DTD1: variants seen among roughly 807,000 people sequenced by gnomAD.
The protein encoded by DTD1 is D-tyrosyl-tRNA deacylase 1 homolog.
In DTD1, 13 loss-of-function variants were observed where a neutral mutation model predicts 25.6. The observed-to-expected ratio is 0.51, with a 90% CI of 0.33 to 0.81. DTD1 has a LOEUF of 0.81. Ranked by LOEUF, DTD1 falls within the 30% of genes least tolerant of loss-of-function variation. The pLI is 0.02. For synonymous variants in DTD1, 110 were observed against 103.6 expected, an observed-to-expected ratio of 1.06 and a Z score of -0.37; for missense variants, 193 against 266.4, an observed-to-expected ratio of 0.72 and a Z score of 1.92.
intron 4 of DTD1, among the ~76,000 whole-genome samples, chr20:18,669,629 T>G (rs2060944673): frequency 6.6e-6 from 1 of 152,156 alleles, no homozygotes; most frequent in South Asian, 2.1e-4. Context: ...GGGCCTGCCC[T>G]TAGTGCCTCA....
At chr20:18,687,798 C>A (rs79285339) in intron 4 of DTD1, among the ~76,000 whole-genome samples, 8 of 152,264 alleles carry the variant, frequency 5.3e-5, no homozygotes, top group Admixed American at 1.3e-4. Context: ...CTCACCTTAG[C>A]CTCCCACAAG....
intron 5 of DTD1, among the ~76,000 whole-genome samples, chr20:18,753,745 A>G (rs888027612): frequency 6.6e-5 from 10 of 152,034 alleles, no homozygotes; most frequent in African/African-American, 2.2e-4. Context: ...GGTAACATCA[A>G]TTTTTTCTCC....
chr20:18,764,712 A>G lies in DTD1; in HGVS notation c.*1372A>G, dbSNP rs949254225. On this transcript the variant is annotated 3_prime_UTR_variant, in exon 6 of 6. Transcript: ENST00000377452. ...TTCAGATGGTCCAGTGTAATTCACA[A>G]TGGTTTAAACCTCTAGATTTGAAGT... is the stretch of plus-strand genomic sequence containing the variant. 6.6e-6 allele frequency: 1 copy of G among 152,212 alleles called. No homozygotes were observed. The highest frequency in any genetic ancestry group is 2.4e-5 in the African/African-American group (1 of 41,452). The allele number at this position is 152,212 out of a possible 1,614,324, so 9.4% of individuals were successfully genotyped here. A position where few individuals can be genotyped will look rare whatever the true frequency, so the allele number is the denominator to read the frequency against.
intron 5 of DTD1, among the ~76,000 whole-genome samples, chr20:18,754,514 C>G (rs1348964115): frequency 1.3e-5 from 2 of 152,328 alleles, no homozygotes; most frequent in South Asian, 2.1e-4. Context: ...GAGGGAGGCA[C>G]ATTACCCCTT....
At chr20:18,752,369 T>C (rs1051673119) in intron 5 of DTD1, among the ~76,000 whole-genome samples, 7 of 152,176 alleles carry the variant, frequency 4.6e-5, no homozygotes, top group African/African-American at 1.7e-4. Context: ...TAGTCTGTTC[T>C]TTTTTTCTCA....
At chr20:18,646,540 G>A (rs2060851171) in intron 4 of DTD1, among the ~76,000 whole-genome samples, 1 of 152,216 alleles carries the variant, frequency 6.6e-6, no homozygotes, top group South Asian at 2.1e-4. Flanking sequence ...TGGGAGTTGG[G>A]TGCCTGGGAA....
At chr20:18,611,515 T>C (rs997915590) in intron 3 of DTD1, among the ~76,000 whole-genome samples, 1 of 152,238 alleles carries the variant, frequency 6.6e-6, no homozygotes, top group Non-Finnish European at 1.5e-5. Context: ...TCTCCTTTCC[T>C]AAGTGAAATT....
chr20:18,596,863 C>T (rs945586176), intron 3 of DTD1, among the ~76,000 whole-genome samples: 2 of 151,918 alleles, frequency 1.3e-5, no homozygotes, highest in African/African-American at 2.4e-5. Flanking sequence ...TTATCAACAT[C>T]CACCACTAGA....
intron 4 of DTD1, among the ~76,000 whole-genome samples, chr20:18,679,528 C>A: frequency 6.6e-6 from 1 of 152,184 alleles, no homozygotes; most frequent in Non-Finnish European, 1.5e-5. Context: ...TTATATGTAA[C>A]ACTGATCTGC....
chr20:18,760,362 G>A (rs1568692959), intron 5 of DTD1, among the ~76,000 whole-genome samples: 1 of 152,104 alleles, frequency 6.6e-6, no homozygotes, highest in African/African-American at 2.4e-5. Context: ...TCATCTTTAT[G>A]GTTTTATCTA....
At chr20:18,653,803 G>T (rs1258175118) in intron 4 of DTD1, among the ~76,000 whole-genome samples, 1 of 152,100 alleles carries the variant, frequency 6.6e-6, no homozygotes, top group Non-Finnish European at 1.5e-5. Flanking sequence ...GTGAAGGAGG[G>T]TTATAATAAC....
At chr20:18,664,965 G>A (rs2122378934) in intron 4 of DTD1, among the ~76,000 whole-genome samples, 1 of 152,184 alleles carries the variant, frequency 6.6e-6, no homozygotes, top group Admixed American at 6.5e-5. Flanking sequence ...TAAGCCAGTG[G>A]TCTCTAGTGT....
intron 4 of DTD1, chr20:18,692,036 A>AG (rs1035143254): frequency 6.6e-6 from 1 of 152,196 alleles, no homozygotes; most frequent in Non-Finnish European, 1.5e-5. Flanking sequence ...AGGAAAAAAA[A>AG]ATTAGCACCT....
intron 4 of DTD1, among the ~76,000 whole-genome samples, chr20:18,724,832 A>G (rs949033416): frequency 2.6e-5 from 4 of 152,254 alleles, no homozygotes; most frequent in Non-Finnish European, 5.9e-5. Context: ...GATTTCCAAG[A>G]GAGGAAATCC....
intron 4 of DTD1, among the ~76,000 whole-genome samples, chr20:18,637,230 A>T (rs796590029): frequency 6.6e-6 from 1 of 152,192 alleles, no homozygotes; most frequent in African/African-American, 2.4e-5. Context: ...TTGAGGTCAC[A>T]TGTGAGTCTG....
intron 3 of DTD1, among the ~76,000 whole-genome samples, chr20:18,609,598 G>C (rs1028732605): frequency 1.3e-5 from 2 of 151,972 alleles, no homozygotes; most frequent in Non-Finnish European, 2.9e-5. Flanking sequence ...CCCACATTGA[G>C]GATTGTCAGC....
At chr20:18,704,853 T>C (rs1246784366) in intron 4 of DTD1, among the ~76,000 whole-genome samples, 2 of 151,988 alleles carry the variant, frequency 1.3e-5, no homozygotes, top group African/African-American at 4.8e-5. Context: ...GGGAAGGAGA[T>C]CAGGAAGCAT....
chr20:18,690,188 ATTAT>A (rs1158676317), intron 4 of DTD1, among the ~76,000 whole-genome samples: 1 of 129,634 alleles, frequency 7.7e-6, no homozygotes, highest in Non-Finnish European at 1.8e-5. Context: ...AAAAAATTGA[ATTAT>A]TTGTTTTTGT....
intron 1 of DTD1, chr20:18,588,859 AAGT>A (rs2060577207): frequency 5.1e-6 from 5 of 985,202 alleles, no homozygotes; most frequent in Non-Finnish European, 6.0e-6. Flanking sequence ...AGTGTAGATA[AAGT>A]AGTCGTTTTA....
Sources: allele counts gnomAD v4.1 joint callset (sites outside exome capture counted in the v4.1 genomes callset), GRCh38; gene constraint gnomAD v4.1.1; transcripts MANE v1.5; gene names NCBI Gene and HGNC (gene_info 2026-07-23, HGNC 2026-07-21).